Variants in COG7 observed in about 807,000 individuals in gnomAD.
The protein encoded by COG7 is component of oligomeric golgi complex 7.
COG7 carries 49 observed loss-of-function variants against 91.5 expected under a neutral mutation model. The observed-to-expected ratio is 0.54, with a 90% CI of 0.43 to 0.68. The LOEUF is 0.68. COG7 is among the 30% of genes least tolerant of loss of function. The pLI, the probability that COG7 is intolerant of heterozygous loss-of-function variation, is 0.00. For synonymous variants in COG7, 365 were observed against 388.7 expected, an observed-to-expected ratio of 0.94 and a Z score of 0.72; for missense variants, 895 against 961.3, an observed-to-expected ratio of 0.93 and a Z score of 0.91.
At position 23,418,943 on chromosome 16, in the gene COG7, G is replaced by C. The variant is rs912116576; in HGVS notation, c.1010-116C>G. ...CTTTCCCCATTTGATCTCCAGAGGG[G>C]ACTATATTTTGTTAAGCAGCTTTTA... On this transcript the variant is annotated intron_variant, in intron 7 of 16. Coordinates refer to ENST00000307149, the MANE Select transcript of COG7 (RefSeq NM_153603.4). The C allele has an allele frequency of 3.4e-5, 30 of 889,582 alleles. No individual in the cohort carries two copies. The African/African-American group carries it at 4.8e-4, about 14-fold the overall frequency. The allele number at this position is 889,582 out of a possible 1,614,324, so 55.1% of individuals were successfully genotyped here.
chr16:23,451,770 C>CA (rs1964270374), intron 1 of COG7, among the ~76,000 whole-genome samples: 1 of 151,482 alleles, frequency 6.6e-6, no homozygotes, highest in Non-Finnish European at 1.5e-5. Context: ...CTGAGACCAG[C>CA]CTATCTTCCT....
At chr16:23,424,548 G>A (rs948093688) in intron 7 of COG7, among the ~76,000 whole-genome samples, 5 of 152,156 alleles carry the variant, frequency 3.3e-5, no homozygotes, top group Non-Finnish European at 7.3e-5. Context: ...ACTGGAGCCA[G>A]GCAAAGATAT....
At chr16:23,439,716 T>G (rs1964070560) in intron 4 of COG7, among the ~76,000 whole-genome samples, 1 of 152,162 alleles carries the variant, frequency 6.6e-6, no homozygotes, top group Non-Finnish European at 1.5e-5. Context: ...ACAGTTGCTG[T>G]TTAATGCGTA....
rs778235470 is a variant in COG7 at position 23,445,180 on chromosome 16, G to T, written c.319-16C>A. On this transcript the variant is annotated splice_polypyrimidine_tract_variant and intron_variant, in intron 2 of 16. Coordinates refer to ENST00000307149, the MANE Select transcript of COG7 (RefSeq NM_153603.4). Reference sequence around the variant, plus strand: ...CTACCAACACCTGAAAGAGGCGTGAGGGGTGAAAAATGAAGGGGTAGGTCC... The same window carrying T: ...CTACCAACACCTGAAAGAGGCGTGATGGGTGAAAAATGAAGGGGTAGGTCC... 1.3e-6 allele frequency: 2 copies of T among 1,583,526 alleles called. No individual in the cohort carries two copies. The highest frequency in any genetic ancestry group is 2.2e-5 in the South Asian group (2 of 90,478).
At position 23,393,390 on chromosome 16, in the gene COG7, C is replaced by G. The variant is rs559274282; in HGVS notation, c.1888-43G>C. 2.1e-5 allele frequency: 30 copies of G among 1,443,386 alleles called. No individual in the cohort carries two copies. The African/African-American group carries it at 4.0e-4, about 19-fold the overall frequency. The allele number at this position is 1,443,386 out of a possible 1,614,324, so 89.4% of individuals were successfully genotyped here. ...GCTGTTAGCCTGACATTGACACATA[C>G]GGGTTATTACTTTATGGGTACATTT... On this transcript the variant is annotated intron_variant, in intron 14 of 16. Transcript: ENST00000307149.
In COG7 at chr16:23,424,895, C is replaced by A; in HGVS notation, c.863G>T (p.Gly288Val). ...GGAGGGCAGCGAGGGCATGAGGGCC[C>A]CCAGGGTCTGAATCAGCAGCACCAT... ...VVMVLLIQTL[G>V]ALMPSLPSCL... is the part of the protein sequence containing the mutation. Residue 288 changes from glycine (G) to valine (V), a missense_variant, in exon 7 of 17, where the codon GGG (glycine) becomes GTG (valine). Gly to Val is a moderately radical substitution (Grantham distance 109). Transcript: ENST00000307149. 1 of 1,614,020 alleles carries A rather than the reference C, an allele frequency of 6.2e-7. No homozygotes were observed. Among genetic ancestry groups the A allele is most frequent in the Non-Finnish European group, 8.5e-7 (1 of 1,179,966 alleles).
At chr16:23,402,940 G>C (rs1033791659) in intron 13 of COG7, among the ~76,000 whole-genome samples, 2 of 152,198 alleles carry the variant, frequency 1.3e-5, no homozygotes, top group African/African-American at 4.8e-5. Flanking sequence ...GTTTGATTTT[G>C]CCAGATGAGT....
In COG7 at chr16:23,416,818, C is replaced by T. The variant is rs1963662551; in HGVS notation, c.1292+149G>A. ...AAATGTTCCACCATTACAAACAATG[C>T]CACTATGAATATCCTTAACAACATC... On this transcript the variant is annotated intron_variant, in intron 9 of 16. Coordinates refer to ENST00000307149, the MANE Select transcript of COG7 (RefSeq NM_153603.4). 4 of 859,080 alleles carry T rather than the reference C, an allele frequency of 4.7e-6. No homozygotes were observed. The East Asian group carries it at 8.0e-5, about 17-fold the overall frequency. 53.2% of individuals were successfully genotyped at this position (859,080 alleles called of 1,614,324 possible). A position where few individuals can be genotyped will look rare whatever the true frequency, so the allele number is the denominator to read the frequency against.
chr16:23,432,892 G>A (rs1371250480), intron 6 of COG7, among the ~76,000 whole-genome samples: 1 of 151,956 alleles, frequency 6.6e-6, no homozygotes, highest in Non-Finnish European at 1.5e-5. Context: ...CCTGACGAGG[G>A]GCCTCCTGCT....
At position 23,389,221 on chromosome 16, in the gene COG7, G is replaced by T. The variant is rs993901876; in HGVS notation, c.2147-135C>A. On this transcript the variant is annotated intron_variant, in intron 16 of 16. Coordinates refer to ENST00000307149, the MANE Select transcript of COG7 (RefSeq NM_153603.4). ...TCCCTAGATGTGGGGCGCCAACCCT[G>T]CCCTCAATAGGCCCTTTACTCACCA... 5.1e-6 allele frequency: 5 copies of T among 982,412 alleles called. No individual in the cohort carries two copies. In the East Asian group the frequency reaches 1.3e-4, roughly 26 times the overall value. 60.9% of individuals were successfully genotyped at this position (982,412 alleles called of 1,614,324 possible). A position where few individuals can be genotyped will look rare whatever the true frequency, so the allele number is the denominator to read the frequency against.
At position 23,389,105 on chromosome 16, in the gene COG7, G is replaced by C. The variant is rs535482308; in HGVS notation, c.2147-19C>G. ...AGATAGTCTGTGGGGGCGGAGAGGA[G>C]ACAGACAGAGCTCCACAGACTCAGC... On this transcript the variant is annotated intron_variant, in intron 16 of 16. Transcript: ENST00000307149. 7 of 1,612,294 alleles carry C rather than the reference G, an allele frequency of 4.3e-6. No homozygotes were observed. The highest frequency in any genetic ancestry group is 5.9e-6 in the Non-Finnish European group (7 of 1,179,502).
chr16:23,397,063 C>T (rs1400603552), intron 14 of COG7, among the ~76,000 whole-genome samples: 1 of 152,130 alleles, frequency 6.6e-6, no homozygotes, highest in East Asian at 1.9e-4. Context: ...GACACACCAC[C>T]ATGCCTGGAT....
intron 6 of COG7, among the ~76,000 whole-genome samples, chr16:23,428,726 C>G (rs576984904): frequency 6.8e-6 from 1 of 147,120 alleles, no homozygotes; most frequent in African/African-American, 2.5e-5. Context: ...GAGTCTCACT[C>G]TGTTGCCCAG....
chr16:23,430,307 T>C (rs1228694796), intron 6 of COG7, among the ~76,000 whole-genome samples: 1 of 151,806 alleles, frequency 6.6e-6, no homozygotes, highest in Non-Finnish European at 1.5e-5. Flanking sequence ...CACGCACCTG[T>C]AGTCCCAGTA....
At chr16:23,445,296 A>C in intron 2 of COG7, 132 bp from the exon 3 acceptor site, 1 of 768,282 alleles carries the variant, frequency 1.3e-6, no homozygotes, top group Non-Finnish European at 2.4e-6. Context: ...AACACCAATC[A>C]TCTGGCTAAA....
chr16:23,427,568 C>A (rs182987160), intron 6 of COG7, among the ~76,000 whole-genome samples: 53 of 152,110 alleles, frequency 3.5e-4, no homozygotes, highest in Admixed American at 1.2e-3. Flanking sequence ...CATTAGGATG[C>A]GTCACTCTCA....
chr16:23,444,857 C>T (rs1194449634), intron 3 of COG7, among the ~76,000 whole-genome samples, 191 bp downstream of exon 3: 1 of 152,060 alleles, frequency 6.6e-6, no homozygotes, highest in East Asian at 1.9e-4. Flanking sequence ...GACTAAGAGG[C>T]TTCAGTCACA....
Position 23,417,065 on chromosome 16 carries a change from C to T in COG7, c.1194G>A (p.Leu398=), listed in dbSNP as rs1347929891. 3 of 1,614,116 alleles carry T rather than the reference C, an allele frequency of 1.9e-6. No homozygotes were observed. In the African/African-American group the frequency reaches 4.0e-5, roughly 22 times the overall value. The change falls in exon 9 of 17, where the codon CTG becomes CTA. Residue 398 remains leucine, a synonymous_variant. Coordinates refer to ENST00000307149, the MANE Select transcript of COG7 (RefSeq NM_153603.4). ...VQELSHSVNK[L]FGLASAAVDR... The stretch of plus-strand genomic sequence containing the variant: ...CAACGGCTGCAGACGCCAGACCAAA[C>T]AGCTTGTTCACGGAGTGGCTCAGCT...
At chr16:23,400,016 T>C (rs1020210558) in intron 13 of COG7, among the ~76,000 whole-genome samples, 6 of 152,188 alleles carry the variant, frequency 3.9e-5, no homozygotes, top group Non-Finnish European at 5.9e-5. Flanking sequence ...TTTAGAGTCC[T>C]TCTATTTCAG....
Sources: gnomAD v4.1 joint callset for allele counts (sites outside exome capture counted in the v4.1 genomes callset) on GRCh38, gnomAD v4.1.1 for gene constraint, MANE v1.5 for transcripts, NCBI Gene and HGNC (gene_info 2026-07-23, HGNC 2026-07-21) for gene names.